The following CDKL4 variants were observed in gnomAD, a reference collection of about 807,000 sequenced individuals.
The protein encoded by CDKL4 is cyclin-dependent kinase-like 4.
CDKL4 carries 44 observed loss-of-function variants against 42.0 expected under a neutral mutation model. That is an observed-to-expected ratio of 1.05 (90% CI 0.82 to 1.35). The LOEUF (loss-of-function observed/expected upper bound fraction) is 1.35, where lower values mean the gene tolerates loss of function less well. Ranked by LOEUF, CDKL4 falls within the 40% of genes most tolerant of loss-of-function variation. The pLI, the probability that CDKL4 is intolerant of heterozygous loss-of-function variation, is 0.00. For synonymous variants in CDKL4, 120 were observed against 121.6 expected (o/e 0.99, Z 0.09); for missense variants, 393 against 369.9 (o/e 1.06, Z -0.51).
intron 2 of CDKL4, among the ~76,000 whole-genome samples, chr2:39,228,497 A>T (rs990037806): frequency 3.3e-5 from 5 of 152,178 alleles, no homozygotes; most frequent in African/African-American, 1.2e-4. Flanking sequence ...CTAAAAACAG[A>T]CGACGTGTCA....
At chr2:39,186,051 G>A (rs1215230765) in intron 7 of CDKL4, among the ~76,000 whole-genome samples, 1 of 152,116 alleles carries the variant, frequency 6.6e-6, no homozygotes, top group Non-Finnish European at 1.5e-5. Flanking sequence ...GAATGATGAG[G>A]AAAGAAGGGG....
At chr2:39,192,538 A>T (rs115058398) in intron 5 of CDKL4, among the ~76,000 whole-genome samples, 46 of 148,170 alleles carry the variant, frequency 3.1e-4, no homozygotes, top group African/African-American at 1.0e-3. Flanking sequence ...TTTAAAAAAA[A>T]ATTTTTTTTT....
At chr2:39,243,684 G>T (rs1679776629) in intron 1 of CDKL4, among the ~76,000 whole-genome samples, 187 bp downstream of exon 1, 1 of 152,220 alleles carries the variant, frequency 6.6e-6, no homozygotes, top group Non-Finnish European at 1.5e-5. Flanking sequence ...CACCGGGTCA[G>T]TGCTGCCACC....
downstream of CDKL4, among the ~76,000 whole-genome samples, chr2:39,172,460 C>G (rs1221724432): frequency 1.3e-5 from 2 of 152,140 alleles, no homozygotes; most frequent in African/African-American, 4.8e-5. Context: ...GTATTTGAAA[C>G]AGGAAGGAGT....
chr2:39,235,356 T>G (rs1056654236), intron 1 of CDKL4, among the ~76,000 whole-genome samples: 2 of 151,778 alleles, frequency 1.3e-5, no homozygotes, highest in Non-Finnish European at 2.9e-5. Flanking sequence ...AGTGGAAGAA[T>G]AAGAAAAAAA....
intron 5 of CDKL4, among the ~76,000 whole-genome samples, chr2:39,192,005 C>A (rs936391682): frequency 4.0e-4 from 61 of 152,170 alleles, no homozygotes; most frequent in African/African-American, 1.4e-3. Flanking sequence ...GAGAACAGTC[C>A]TCATAGGAGT....
At chr2:39,206,206 G>C (rs1448999351) in intron 4 of CDKL4, among the ~76,000 whole-genome samples, 2 of 151,998 alleles carry the variant, frequency 1.3e-5, no homozygotes, top group South Asian at 4.2e-4. Context: ...GATGTGTCCC[G>C]AGTAGCTAGG....
intron 5 of CDKL4, 123 bp downstream of exon 5, chr2:39,204,404 T>C: frequency 3.0e-6 from 2 of 677,572 alleles, no homozygotes; most frequent in East Asian, 5.6e-5. Context: ...TAAAGTGAGA[T>C]TTTCCTTTTT....
upstream of CDKL4, among the ~76,000 whole-genome samples, chr2:39,245,682 A>G (rs186864652): frequency 6.6e-6 from 1 of 152,226 alleles, no homozygotes; most frequent in Non-Finnish European, 1.5e-5. Context: ...GAGCACTGAA[A>G]AACAGCACAC....
chr2:39,173,010 A>G (rs1007176700), downstream of CDKL4, among the ~76,000 whole-genome samples: 1 of 152,212 alleles, frequency 6.6e-6, no homozygotes, highest in African/African-American at 2.4e-5. Context: ...GAGAAATGCT[A>G]GTTTGAATTA....
intron 4 of CDKL4, among the ~76,000 whole-genome samples, chr2:39,209,070 G>A (rs1330549975): frequency 6.6e-6 from 1 of 151,372 alleles, no homozygotes; most frequent in East Asian, 1.9e-4. Flanking sequence ...GGAGGCCAAG[G>A]TGGGAGAATC....
At chr2:39,241,287 C>A (rs1450334477) in intron 1 of CDKL4, among the ~76,000 whole-genome samples, 1 of 152,036 alleles carries the variant, frequency 6.6e-6, no homozygotes, top group African/African-American at 2.4e-5. Context: ...AAAAAGAAAA[C>A]GATAAACAAC....
chr2:39,226,347 C>T (rs542063936), intron 2 of CDKL4, among the ~76,000 whole-genome samples: 1 of 149,330 alleles, frequency 6.7e-6, no homozygotes, highest in South Asian at 2.1e-4. Context: ...AATACTTGTT[C>T]CTAACCATCA....
downstream of CDKL4, among the ~76,000 whole-genome samples, chr2:39,171,688 C>T (rs1390864432): frequency 1.3e-5 from 2 of 152,130 alleles, no homozygotes; most frequent in East Asian, 3.9e-4. Context: ...CTGTGAAAAG[C>T]AAACACACTA....
At chr2:39,189,823 A>T (rs1447131107) in intron 6 of CDKL4, among the ~76,000 whole-genome samples, 1 of 152,244 alleles carries the variant, frequency 6.6e-6, no homozygotes, top group Non-Finnish European at 1.5e-5. Context: ...GCACTACAAT[A>T]GCAGAGTTGG....
rs189230233 is a variant in CDKL4, at chr2:39,183,881, G to C, written c.792+710C>G. 2.0e-5 allele frequency among the ~76,000 whole-genome samples: 3 copies of C among 152,268 alleles called. No individual in the cohort carries two copies. In the East Asian group the frequency reaches 5.8e-4, roughly 29 times the overall value. ...GCACTCTGGATAGCACCATGGCAGTGACCAGCACTCGCACAAAGGCTGGTC... is the reference window on the plus strand; with the variant it reads ...GCACTCTGGATAGCACCATGGCAGTCACCAGCACTCGCACAAAGGCTGGTC... On this transcript the variant is annotated intron_variant, in intron 8 of 9. Coordinates refer to ENST00000451199, the Ensembl canonical transcript of CDKL4.
chr2:39,169,953 C>T, the CDKL4 span, among the ~76,000 whole-genome samples: 1 of 152,142 alleles, frequency 6.6e-6, no homozygotes, highest in Non-Finnish European at 1.5e-5. Flanking sequence ...TCACTTCAGC[C>T]TTGACCTCCT....
At chr2:39,213,033 T>C (rs1677682803) in intron 4 of CDKL4, among the ~76,000 whole-genome samples, 1 of 152,252 alleles carries the variant, frequency 6.6e-6, no homozygotes, top group African/African-American at 2.4e-5. Context: ...GGAATCATTA[T>C]ATTTATTCAA....
chr2:39,228,356 T>C (rs553474724), intron 2 of CDKL4, among the ~76,000 whole-genome samples: 42 of 152,258 alleles, frequency 2.8e-4, no homozygotes, highest in African/African-American at 9.4e-4. Flanking sequence ...TCAAGTTATA[T>C]TTCAAACAAA....
Sources: gnomAD v4.1 joint callset for allele counts (sites outside exome capture counted in the v4.1 genomes callset) on GRCh38, gnomAD v4.1.1 for gene constraint, MANE v1.5 for transcripts, NCBI Gene and HGNC (gene_info 2026-07-23, HGNC 2026-07-21) for gene names.